Variants in KLHDC4 observed in about 807,000 individuals in gnomAD.
The protein encoded by KLHDC4 is kelch domain-containing protein 4.
In KLHDC4, 90 loss-of-function variants were observed where a neutral mutation model predicts 62.4. The ratio of observed to expected loss-of-function variants is 1.44; its 90% confidence interval spans 1.22 to 1.72. The LOEUF (loss-of-function observed/expected upper bound fraction) is 1.72, where lower values mean the gene tolerates loss of function less well. Among genes scored for constraint, KLHDC4 ranks in the 40% most tolerant of loss-of-function variants. The pLI is 0.00. For synonymous variants in KLHDC4, 386 were observed against 284.4 expected, an observed-to-expected ratio of 1.36 and a Z score of -3.59; for missense variants, 1,025 against 699.7, an observed-to-expected ratio of 1.47 and a Z score of -5.25.
At chr16:87,746,132 C>T (rs544211224) in intron 5 of KLHDC4, among the ~76,000 whole-genome samples, 31 of 152,008 alleles carry the variant, frequency 2.0e-4, no homozygotes, top group African/African-American at 7.0e-4. Context: ...TAGCCCGGCA[C>T]GGTGGTGCAC....
intron 5 of KLHDC4, among the ~76,000 whole-genome samples, chr16:87,737,159 A>G (rs996429982): frequency 4.0e-5 from 6 of 150,920 alleles, no homozygotes; most frequent in Non-Finnish European, 8.9e-5. Flanking sequence ...ACAAGTCAGG[A>G]TACCCAGGAA....
At chr16:87,715,366 C>A (rs1369727176) in intron 7 of KLHDC4, among the ~76,000 whole-genome samples, 1 of 152,158 alleles carries the variant, frequency 6.6e-6, no homozygotes, top group South Asian at 2.1e-4. Flanking sequence ...AGCATGAATA[C>A]CTTCCTCTCC....
intron 8 of KLHDC4, among the ~76,000 whole-genome samples, chr16:87,711,666 C>A (rs887208081): frequency 9.9e-5 from 15 of 152,236 alleles, no homozygotes; most frequent in Non-Finnish European, 2.9e-5. Flanking sequence ...CAGCTTTCCA[C>A]ACACCCCCAA....
intron 4 of KLHDC4, among the ~76,000 whole-genome samples, chr16:87,753,197 G>A (rs1002567283): frequency 4.6e-5 from 7 of 152,208 alleles, no homozygotes; most frequent in African/African-American, 1.2e-4. Context: ...GCACGGGGGC[G>A]TCCCCTGGAG....
In KLHDC4 at chr16:87,753,807, G is replaced by GA. The variant is rs34945685; in HGVS notation, c.369+1386dup. The stretch of plus-strand genomic sequence containing the variant: ...CAAGAGAGAGACTCCATCTCAAGGA[G>GA]AAAAAAAAAAAAAAAATTAGCCAAG... On this transcript the variant is annotated intron_variant, in intron 4 of 11. Transcript: ENST00000270583. Among the ~76,000 whole-genome samples the GA allele has an allele frequency of 4.5e-3, 585 of 128,630 alleles. 3 individuals carry two copies. Among genetic ancestry groups the GA allele is most frequent in the African/African-American group, 7.8e-3 (277 of 35,324 alleles). The allele number at this position is 128,630 out of a possible 152,430, so 84.4% of individuals were successfully genotyped here.
chr16:87,760,064 G>A (rs764926160), intron 2 of KLHDC4, among the ~76,000 whole-genome samples: 85 of 151,966 alleles, frequency 5.6e-4, no homozygotes, highest in Non-Finnish European at 9.6e-4. Flanking sequence ...ATAGGAAGTT[G>A]GAAGATATTA....
At chr16:87,730,702 AGAC>A (rs2040193886) in intron 5 of KLHDC4, 58 bp from the exon 6 acceptor site, 4 of 1,460,012 alleles carry the variant, frequency 2.7e-6, no homozygotes, top group Middle Eastern at 1.7e-4. Context: ...GTTGTTCTAA[AGAC>A]GACAACAACA....
chr16:87,730,146 G>A (rs532588861), intron 6 of KLHDC4, among the ~76,000 whole-genome samples: 9 of 152,244 alleles, frequency 5.9e-5, no homozygotes, highest in Admixed American at 1.3e-4. Context: ...TAGAGACAGC[G>A]TTTCACTATG....
chr16:87,748,723 G>T lies in KLHDC4; in HGVS notation c.456C>A (p.Tyr152Ter), dbSNP rs1392779498. ...ASPNGEQFYH[Y>*]KDLWVLHLAT... The stretch of plus-strand genomic sequence containing the variant: ...CCAAATGCAGGACCCAGAGATCCTT[G>T]TAGTGGTAGAACTGCTCTCCGTTGG... The change falls in exon 5 of 12, where the codon TAC becomes TAA. Residue 152 changes from tyrosine (Y) to a stop codon, truncating the protein, a stop_gained. Coordinates refer to ENST00000270583, the MANE Select transcript of KLHDC4 (RefSeq NM_017566.4). LOFTEE classifies it high-confidence loss of function. 1 of 1,613,598 alleles carries T rather than the reference G, an allele frequency of 6.2e-7. No homozygotes were observed. The highest frequency in any genetic ancestry group is 1.1e-5 in the South Asian group (1 of 91,030).
Position 87,730,558 on chromosome 16 carries a change from CTTTCATGGAAGCCACCAAACAGGA to C in KLHDC4, c.569_592del (p.Ile190_Glu197del). 1.9e-6 allele frequency: 3 copies of C among 1,611,454 alleles called. No homozygotes were observed. The highest frequency in any genetic ancestry group is 1.7e-6 in the Non-Finnish European group (2 of 1,179,352). ...TTCCGTTCTTGGTACCAACCGTGTA[CTTTCATGGAAGCCACCAAACAGGA>C]TCAATTGTCTCTTCCAGGCCACCAT... On this transcript the variant is annotated inframe_deletion, in exon 6 of 12. Transcript: ENST00000270583.
chr16:87,729,624 G>GA (rs1491497115), intron 6 of KLHDC4, among the ~76,000 whole-genome samples: 3 of 152,244 alleles, frequency 2.0e-5, no homozygotes, highest in Admixed American at 2.0e-4. Flanking sequence ...CTAAAACAAT[G>GA]AGAGAGCCCG....
At chr16:87,728,388 G>A (rs1220098963) in intron 6 of KLHDC4, among the ~76,000 whole-genome samples, 1 of 152,122 alleles carries the variant, frequency 6.6e-6, no homozygotes, top group African/African-American at 2.4e-5. Flanking sequence ...ATTCTACTTT[G>A]CACGTAAGAT....
At chr16:87,700,872 G>A (rs2034114581) in exon 1 of KLHDC4, 1 of 259,954 alleles carries the variant, frequency 3.8e-6, no homozygotes. Flanking sequence ...GAGGGAGGAG[G>A]TTGGAGGGCG....
chr16:87,733,503 C>A (rs532819381), intron 5 of KLHDC4, among the ~76,000 whole-genome samples: 4 of 152,208 alleles, frequency 2.6e-5, no homozygotes, highest in African/African-American at 9.7e-5. Flanking sequence ...TCTCCTAGAG[C>A]CGCAGGCACC....
exon 1 of KLHDC4, chr16:87,698,853 T>G (rs1168926488): frequency 1.3e-5 from 2 of 152,254 alleles, no homozygotes; most frequent in African/African-American, 4.8e-5. Flanking sequence ...GGACAGCATG[T>G]GCCCGGCTGG....
At chr16:87,720,147 A>G (rs1312662388) in intron 7 of KLHDC4, among the ~76,000 whole-genome samples, 1 of 152,218 alleles carries the variant, frequency 6.6e-6, no homozygotes, top group Admixed American at 6.5e-5. Flanking sequence ...GGCCGCCCCA[A>G]GGACCCCGTC....
intron 5 of KLHDC4, among the ~76,000 whole-genome samples, chr16:87,746,615 G>A (rs1352883664): frequency 6.6e-6 from 1 of 152,128 alleles, no homozygotes; most frequent in East Asian, 1.9e-4. Context: ...GGTCTCCCTT[G>A]CTAATGGTTA....
At chr16:87,753,013 C>T (rs2044268638) in intron 4 of KLHDC4, among the ~76,000 whole-genome samples, 1 of 152,214 alleles carries the variant, frequency 6.6e-6, no homozygotes, top group Admixed American at 6.5e-5. Flanking sequence ...CCCATGACTC[C>T]AGCCCCTGCA....
At chr16:87,731,202 T>G (rs1413885837) in intron 5 of KLHDC4, among the ~76,000 whole-genome samples, 2 of 151,782 alleles carry the variant, frequency 1.3e-5, no homozygotes, top group Admixed American at 6.6e-5. Context: ...TAGCTGGAAT[T>G]ACAAGCGTGC....
Sources: gnomAD v4.1 joint callset for allele counts (sites outside exome capture counted in the v4.1 genomes callset) on GRCh38, gnomAD v4.1.1 for gene constraint, MANE v1.5 for transcripts, NCBI Gene and HGNC (gene_info 2026-07-23, HGNC 2026-07-21) for gene names.